SLC25A16: variants seen among roughly 807,000 people sequenced by gnomAD.
SLC25A16 encodes mitochondrial coenzyme A transporter SLC25A16.
SLC25A16 carries 39 observed loss-of-function variants against 41.5 expected under a neutral mutation model. The ratio of observed to expected loss-of-function variants is 0.94; its 90% CI spans 0.73 to 1.23. The LOEUF (loss-of-function observed/expected upper bound fraction) is 1.23. Among genes scored for constraint, SLC25A16 ranks in the 50% most tolerant of loss-of-function variants. SLC25A16 has a pLI of 0.00. For missense variants in SLC25A16, 421 were observed against 426.9 expected (o/e 0.99, Z 0.12); for synonymous variants, 146 against 147.8 (o/e 0.99, Z 0.09).
chr10:68,515,742 G>C (rs1331750126), intron 2 of SLC25A16, among the ~76,000 whole-genome samples: 3 of 152,240 alleles, frequency 2.0e-5, no homozygotes, highest in African/African-American at 7.2e-5. Flanking sequence ...AGGTTGCAGT[G>C]AGCCGAGGTC....
chr10:68,483,197 CA>C lies in SLC25A16; in HGVS notation c.*234del, dbSNP rs2133475372. 1 of 335,730 alleles carries C rather than the reference CA, an allele frequency of 3.0e-6. No homozygotes were observed. The highest frequency in any genetic ancestry group is 5.4e-6 in the Non-Finnish European group (1 of 186,728). 20.8% of individuals were successfully genotyped at this position (335,730 alleles called of 1,614,324 possible). On this transcript the variant is annotated 3_prime_UTR_variant, in exon 9 of 9. Transcript: ENST00000609923. ...AAATAAAACTTTAAAGCGGTTTAGC[CA>C]GCATCAGCTTAGGAATATTTTCTTC...
chr10:68,487,009 A>G (rs1010546026), intron 8 of SLC25A16, 135 bp downstream of exon 8: 6 of 594,542 alleles, frequency 1.0e-5, no homozygotes, highest in Non-Finnish European at 1.8e-5. Flanking sequence ...TTGTAATCTT[A>G]TAAAGTTACC....
intron 4 of SLC25A16, among the ~76,000 whole-genome samples, chr10:68,494,497 A>AGGGAGGGGGGGAGAGAC (rs2052715826): frequency 3.0e-5 from 1 of 33,712 alleles, no homozygotes; most frequent in African/African-American, 9.9e-5. Flanking sequence ...GAAGGGGAGG[A>AGGGAGGGGGGGAGAGAC]GGGAGGGGAG....
intron 1 of SLC25A16, among the ~76,000 whole-genome samples, chr10:68,521,950 C>G (rs910142716): frequency 6.6e-6 from 1 of 151,794 alleles, no homozygotes; most frequent in African/African-American, 2.4e-5. Flanking sequence ...CACTTGAGGT[C>G]AGGAATTGGA....
intron 6 of SLC25A16, among the ~76,000 whole-genome samples, chr10:68,490,758 C>T (rs1293838336): frequency 6.6e-6 from 1 of 151,600 alleles, no homozygotes; most frequent in African/African-American, 2.4e-5. Flanking sequence ...ATATAAAATG[C>T]TAAACGTTAA....
intron 4 of SLC25A16, among the ~76,000 whole-genome samples, chr10:68,502,428 A>G (rs1479890440): frequency 6.6e-6 from 1 of 151,886 alleles, no homozygotes; most frequent in Non-Finnish European, 1.5e-5. Context: ...TAAAATATTA[A>G]CAATATCTGA....
At chr10:68,521,218 G>C (rs2053244593) in intron 1 of SLC25A16, among the ~76,000 whole-genome samples, 1 of 152,000 alleles carries the variant, frequency 6.6e-6, no homozygotes, top group Non-Finnish European at 1.5e-5. Context: ...AAATGGAATA[G>C]ACACTTTAGA....
Position 68,503,628 on chromosome 10 carries a change from T to A in SLC25A16, c.421+4A>T. On this transcript the variant is annotated splice_donor_region_variant and intron_variant, in intron 4 of 8. Coordinates refer to ENST00000609923, the MANE Select transcript of SLC25A16 (RefSeq NM_152707.4). ...AGAAATAAAATATACCTAACTCCTC[T>A]TACCTGCCATGGATCCAGCCATTAA... 6.4e-7 allele frequency: 1 copy of A among 1,572,630 alleles called. No homozygotes were observed. Among genetic ancestry groups the A allele is most frequent in the Non-Finnish European group, 8.7e-7 (1 of 1,148,388 alleles).
At chr10:68,510,396 G>T (rs1407307725) in intron 2 of SLC25A16, among the ~76,000 whole-genome samples, 1 of 150,842 alleles carries the variant, frequency 6.6e-6, no homozygotes, top group Non-Finnish European at 1.5e-5. Context: ...AAAAAAATTA[G>T]CCAGGTGTGG....
chr10:68,489,645 G>A (rs1352946150), intron 6 of SLC25A16, among the ~76,000 whole-genome samples: 1 of 152,170 alleles, frequency 6.6e-6, no homozygotes, highest in Non-Finnish European at 1.5e-5. Flanking sequence ...GCTTATGCCT[G>A]TAATCCCAGC....
chr10:68,495,929 CATA>C (rs1399601956), intron 4 of SLC25A16, among the ~76,000 whole-genome samples: 6 of 151,908 alleles, frequency 3.9e-5, no homozygotes, highest in South Asian at 2.1e-4. Context: ...AAATGAGTAT[CATA>C]ATAAGTGGGT....
At position 68,481,337 on chromosome 10, in the gene SLC25A16, C is replaced by T. The variant is rs1029877581; in HGVS notation, c.*2095G>A. 2.0e-5 allele frequency: 3 copies of T among 152,050 alleles called. No homozygotes were observed. The highest frequency in any genetic ancestry group is 7.2e-5 in the African/African-American group (3 of 41,410). 9.4% of individuals were successfully genotyped at this position (152,050 alleles called of 1,614,324 possible). On this transcript the variant is annotated 3_prime_UTR_variant, in exon 9 of 9. Coordinates refer to ENST00000609923, the MANE Select transcript of SLC25A16 (RefSeq NM_152707.4). ...TACACTTATAAATCATACAAAGATA[C>T]ATACTTATTTTTAAAATAAAGGCTT...
intron 2 of SLC25A16, 30 bp from the exon 3 acceptor site, chr10:68,506,748 CAG>C (rs2052962380): frequency 1.4e-6 from 2 of 1,458,230 alleles, no homozygotes; most frequent in South Asian, 2.6e-5. Context: ...GCTGTTAAAA[CAG>C]AGAAAATTAT....
chr10:68,507,385 C>T (rs1337863301), intron 2 of SLC25A16, among the ~76,000 whole-genome samples: 1 of 151,974 alleles, frequency 6.6e-6, no homozygotes, highest in Non-Finnish European at 1.5e-5. Flanking sequence ...AGATGATCTA[C>T]TCTTTATCTG....
chr10:68,508,645 G>C (rs192993664), intron 2 of SLC25A16, among the ~76,000 whole-genome samples: 183 of 152,082 alleles, frequency 1.2e-3, no homozygotes, highest in African/African-American at 4.2e-3. Context: ...TTGAACCCGG[G>C]AGGCGGAGGT....
At chr10:68,490,694 A>G (rs2052641987) in intron 6 of SLC25A16, among the ~76,000 whole-genome samples, 2 of 151,922 alleles carry the variant, frequency 1.3e-5, no homozygotes, top group Admixed American at 1.3e-4. Context: ...AGGGGAAAAA[A>G]AAAAACTTCC....
At chr10:68,494,430 C>A (rs1201785627) in intron 4 of SLC25A16, among the ~76,000 whole-genome samples, 3 of 138,602 alleles carry the variant, frequency 2.2e-5, no homozygotes, top group Non-Finnish European at 4.7e-5. Flanking sequence ...CCACTGCAGT[C>A]CGGCCTGGCA....
intron 6 of SLC25A16, among the ~76,000 whole-genome samples, 169 bp downstream of exon 6, chr10:68,492,963 G>A (rs1480239610): frequency 3.3e-5 from 5 of 149,828 alleles, no homozygotes; most frequent in African/African-American, 4.9e-5. Context: ...AATTATACAC[G>A]AATAGTCATC....
At chr10:68,511,553 C>A (rs2053063475) in intron 2 of SLC25A16, among the ~76,000 whole-genome samples, 2 of 152,186 alleles carry the variant, frequency 1.3e-5, no homozygotes, top group Non-Finnish European at 2.9e-5. Flanking sequence ...GAATCCTGTT[C>A]ACACACTGAT....
Sources: allele counts gnomAD v4.1 joint callset (sites outside exome capture counted in the v4.1 genomes callset), GRCh38; gene constraint gnomAD v4.1.1; transcripts MANE v1.5; gene names NCBI Gene and HGNC (gene_info 2026-07-23, HGNC 2026-07-21).